GUCY1A2: variants seen among roughly 807,000 people sequenced by gnomAD.
The protein encoded by GUCY1A2 is guanylate cyclase soluble subunit alpha-2.
In GUCY1A2, 27 loss-of-function variants were observed where a neutral mutation model predicts 63.5. The ratio of observed to expected loss-of-function variants is 0.43; its 90% CI spans 0.31 to 0.59. The LOEUF (loss-of-function observed/expected upper bound fraction) is 0.59, where lower values mean the gene tolerates loss of function less well. Ranked by LOEUF, GUCY1A2 falls within the 20% of genes least tolerant of loss-of-function variation. The pLI is 0.11. For missense variants in GUCY1A2, 768 were observed against 913.3 expected (o/e 0.84, Z 2.05); for synonymous variants, 364 against 343.5 (o/e 1.06, Z -0.66).
chr11:106,823,653 G>A (rs1461301929), intron 4 of GUCY1A2, among the ~76,000 whole-genome samples: 4 of 152,018 alleles, frequency 2.6e-5, no homozygotes, highest in Non-Finnish European at 2.9e-5. Flanking sequence ...TTTCCATACC[G>A]TCTTCCATAG....
chr11:106,873,719 G>T (rs1239836828), intron 4 of GUCY1A2, among the ~76,000 whole-genome samples: 1 of 152,080 alleles, frequency 6.6e-6, no homozygotes, highest in Non-Finnish European at 1.5e-5. Context: ...TCCGTAGGTT[G>T]CCCGTTCACT....
chr11:106,859,948 T>G (rs1591304951), intron 4 of GUCY1A2, among the ~76,000 whole-genome samples: 1 of 152,056 alleles, frequency 6.6e-6, no homozygotes, highest in East Asian at 1.9e-4. Flanking sequence ...AAAATGCTTC[T>G]CAGCAATTAT....
At chr11:106,852,506 G>T (rs1326426390) in intron 4 of GUCY1A2, among the ~76,000 whole-genome samples, 1 of 151,986 alleles carries the variant, frequency 6.6e-6, no homozygotes. Flanking sequence ...AATTTGTTGA[G>T]TCTTTAACAT....
intron 2 of GUCY1A2, among the ~76,000 whole-genome samples, chr11:106,984,863 C>T (rs901223300): frequency 1.3e-5 from 2 of 152,166 alleles, no homozygotes. Context: ...TTTTAAATCA[C>T]TAATGGCCTC....
At chr11:106,944,833 C>G (rs917773834) in intron 3 of GUCY1A2, among the ~76,000 whole-genome samples, 1 of 152,150 alleles carries the variant, frequency 6.6e-6, no homozygotes, top group Non-Finnish European at 1.5e-5. Context: ...ATCAGTGTTA[C>G]TCCTTCCTTT....
Position 106,675,750 on chromosome 11 carries a change from C to T in GUCY1A2, c.*11799G>A, listed in dbSNP as rs1862335014. 2 of 190,974 alleles carry T rather than the reference C, an allele frequency of 1.0e-5. No homozygotes were observed. Among genetic ancestry groups the T allele is most frequent in the Admixed American group, 6.2e-5 (1 of 16,250 alleles). The allele number at this position is 190,974 out of a possible 1,614,324, so 11.8% of individuals were successfully genotyped here. A position where few individuals can be genotyped will look rare whatever the true frequency, so the allele number is the denominator to read the frequency against. On this transcript the variant is annotated 3_prime_UTR_variant, in exon 8 of 8. Coordinates refer to ENST00000526355, the MANE Select transcript of GUCY1A2 (RefSeq NM_000855.3). ...AAGGTTTTCTTAACAGTGAAAATCACAGGAAGAAAGTAATCAGTATTTTCA... is the reference window on the plus strand; with the variant it reads ...AAGGTTTTCTTAACAGTGAAAATCATAGGAAGAAAGTAATCAGTATTTTCA...
intron 4 of GUCY1A2, among the ~76,000 whole-genome samples, chr11:106,903,848 G>A (rs1016730690): frequency 6.6e-6 from 1 of 152,126 alleles, no homozygotes; most frequent in African/African-American, 2.4e-5. Flanking sequence ...TAGCAACATA[G>A]CAGCTCATAA....
At chr11:106,995,619 A>G (rs1294378156) in intron 1 of GUCY1A2, among the ~76,000 whole-genome samples, 39 of 152,234 alleles carry the variant, frequency 2.6e-4, no homozygotes, top group Admixed American at 2.6e-3. Context: ...CTGTTGAAAG[A>G]TCAAAATGAA....
intron 6 of GUCY1A2, among the ~76,000 whole-genome samples, chr11:106,719,659 G>A (rs1169531897): frequency 6.6e-6 from 1 of 152,194 alleles, no homozygotes; most frequent in African/African-American, 2.4e-5. Flanking sequence ...GAGTTACAAT[G>A]TAGAACTCTT....
chr11:106,719,781 C>A (rs992401174), intron 6 of GUCY1A2, among the ~76,000 whole-genome samples: 1 of 152,230 alleles, frequency 6.6e-6, no homozygotes, highest in East Asian at 1.9e-4. Context: ...GGATTTTTAA[C>A]CCTCCCTAGG....
At chr11:106,897,608 G>C (rs1024122011) in intron 4 of GUCY1A2, among the ~76,000 whole-genome samples, 6 of 151,452 alleles carry the variant, frequency 4.0e-5, no homozygotes, top group African/African-American at 1.5e-4. Flanking sequence ...ATGAAAAAAA[G>C]ATACCTTTTT....
intron 1 of GUCY1A2, among the ~76,000 whole-genome samples, chr11:107,003,757 C>T (rs756333534): frequency 6.6e-6 from 1 of 152,166 alleles, no homozygotes; most frequent in Non-Finnish European, 1.5e-5. Flanking sequence ...TTTGTTAATG[C>T]CATGACAATT....
At chr11:106,769,141 A>T (rs1864212525) in intron 6 of GUCY1A2, among the ~76,000 whole-genome samples, 1 of 152,102 alleles carries the variant, frequency 6.6e-6, no homozygotes, top group Non-Finnish European at 1.5e-5. Flanking sequence ...TTCAAACAAA[A>T]AAAAGTGTAA....
intron 5 of GUCY1A2, among the ~76,000 whole-genome samples, chr11:106,788,435 G>A (rs1864602856): frequency 6.6e-6 from 1 of 151,982 alleles, no homozygotes; most frequent in East Asian, 1.9e-4. Context: ...GCCTGTGCTT[G>A]TGGGATGTTA....
At chr11:106,902,832 T>C (rs1453666927) in intron 4 of GUCY1A2, among the ~76,000 whole-genome samples, 1 of 152,194 alleles carries the variant, frequency 6.6e-6, no homozygotes, top group Admixed American at 6.6e-5. Context: ...AATCTAGAAA[T>C]GACTTAAAGT....
intron 3 of GUCY1A2, among the ~76,000 whole-genome samples, chr11:106,959,400 T>A (rs1466770400): frequency 6.6e-6 from 1 of 152,242 alleles, no homozygotes; most frequent in Non-Finnish European, 1.5e-5. Context: ...CCTCCAGTTT[T>A]TGTGCATACT....
intron 4 of GUCY1A2, among the ~76,000 whole-genome samples, chr11:106,884,693 T>A (rs1399975977): frequency 6.6e-6 from 1 of 152,084 alleles, no homozygotes; most frequent in African/African-American, 2.4e-5. Context: ...ATGGAGAAGT[T>A]TGATGGACTG....
intron 1 of GUCY1A2, among the ~76,000 whole-genome samples, chr11:107,006,009 G>A (rs1861666471): frequency 6.6e-6 from 1 of 152,200 alleles, no homozygotes; most frequent in South Asian, 2.1e-4. Context: ...TTGATCGTAT[G>A]CTATAGTCCA....
chr11:107,001,636 AT>A (rs1283685226), intron 1 of GUCY1A2, among the ~76,000 whole-genome samples: 1 of 151,924 alleles, frequency 6.6e-6, no homozygotes, highest in Non-Finnish European at 1.5e-5. Context: ...TCTTAAGTGG[AT>A]TTGTATTCCC....
Sources: allele counts gnomAD v4.1 joint callset (sites outside exome capture counted in the v4.1 genomes callset), GRCh38; gene constraint gnomAD v4.1.1; transcripts MANE v1.5; gene names NCBI Gene and HGNC (gene_info 2026-07-23, HGNC 2026-07-21).